STARD9: variants seen among roughly 807,000 people sequenced by gnomAD.
The protein encoded by STARD9 is StAR related lipid transfer domain containing 9, also known as stAR-related lipid transfer protein 9.
Under a neutral mutation model 399.8 loss-of-function variants are expected in STARD9, and 346 were observed. The ratio of observed to expected loss-of-function variants is 0.87; its 90% CI spans 0.79 to 0.95. The LOEUF is 0.95. Among genes scored for constraint, STARD9 ranks in the 40% least tolerant of loss-of-function variants. The probability of loss-of-function intolerance (pLI) is 0.00; values close to 1 mark genes in which losing one functional copy is unlikely to be tolerated. For missense variants in STARD9, 5,832 were observed against 5,667.5 expected (o/e 1.03, Z -0.93); for synonymous variants, 2,203 against 2,143.5 (o/e 1.03, Z -0.77).
At chr15:42,705,802 G>T (rs1035754194) in intron 26 of STARD9, among the ~76,000 whole-genome samples, 8 of 151,738 alleles carry the variant, frequency 5.3e-5, no homozygotes, top group Admixed American at 3.9e-4. Context: ...ACTCGGGCTG[G>T]AGTGCAGGGG....
chr15:42,684,367 G>A lies in STARD9; in HGVS notation c.2789G>A (p.Gly930Asp), dbSNP rs556083877. ...ACLTMSPNSV[G>D]IQEMEMGVKQ... ...CTCACCATGAGTCCCAACTCTGTTG[G>A]CATCCAGGAAATGGAGATGGGGGTT... Residue 930 changes from glycine (G) to aspartate (D), a missense_variant, in exon 23 of 33, where the codon GGC (glycine) becomes GAC (aspartate). By Grantham distance (94) the Gly-to-Asp change is moderately conservative. Around this residue, in one of 2 missense-constraint regions of STARD9, gnomAD observed 5,828 missense variants for 5,651.1 expected, o/e 1.03. Coordinates refer to ENST00000290607, the MANE Select transcript of STARD9 (RefSeq NM_020759.3). The A allele has an allele frequency of 1.1e-5, 17 of 1,536,986 alleles. No individual in the cohort carries two copies. In the African/African-American group the frequency reaches 1.2e-4, roughly 11 times the overall value.
At chr15:42,661,110 C>A in intron 9 of STARD9, 48 bp from the exon 10 acceptor site, 1 of 1,376,862 alleles carries the variant, frequency 7.3e-7, no homozygotes, top group Non-Finnish European at 1.0e-6. Context: ...AAGGGGAAAA[C>A]AATACAAATC....
rs2060093002 is a variant in STARD9, at chr15:42,665,948, G to C, written c.1317+100G>C. On this transcript the variant is annotated intron_variant, in intron 15 of 32. Coordinates refer to ENST00000290607, the MANE Select transcript of STARD9 (RefSeq NM_020759.3). ...GTTGCTCCCTTGGCAGGGCAGAGAAGAGCTGTCTCATTTAAATACAATGTT... is the reference window on the plus strand; with the variant it reads ...GTTGCTCCCTTGGCAGGGCAGAGAACAGCTGTCTCATTTAAATACAATGTT... 9.6e-6 allele frequency: 9 copies of C among 936,670 alleles called. No individual in the cohort carries two copies. The Admixed American group carries it at 1.9e-4, about 19-fold the overall frequency. The allele number at this position is 936,670 out of a possible 1,614,324, so 58.0% of individuals were successfully genotyped here.
At chr15:42,653,508 G>GA (rs2059805227) in intron 9 of STARD9, among the ~76,000 whole-genome samples, 1 of 152,158 alleles carries the variant, frequency 6.6e-6, no homozygotes, top group Non-Finnish European at 1.5e-5. Context: ...AAGACAAAGA[G>GA]AAAATCTTAA....
chr15:42,708,042 A>G (rs868301551), intron 26 of STARD9, among the ~76,000 whole-genome samples: 32 of 150,922 alleles, frequency 2.1e-4, no homozygotes, highest in Admixed American at 4.6e-4. Context: ...AGTCCTAGCT[A>G]CTCAGGAGGC....
At chr15:42,704,287 TGGGC>T (rs2061028388) in intron 26 of STARD9, among the ~76,000 whole-genome samples, 1 of 152,224 alleles carries the variant, frequency 6.6e-6, no homozygotes, top group South Asian at 2.1e-4. Flanking sequence ...TGAAGTTTAT[TGGGC>T]TACCTCAAAA....
At chr15:42,652,453 A>G in intron 8 of STARD9, 67 bp from the exon 9 acceptor site, 1 of 1,285,070 alleles carries the variant, frequency 7.8e-7, no homozygotes, top group Non-Finnish European at 1.1e-6. Context: ...TGTATTCTGT[A>G]TGGATCCTTA....
chr15:42,719,902 ACTGG>A lies in STARD9; in HGVS notation c.*329_*332del. 1 of 234,660 alleles carries A rather than the reference ACTGG, an allele frequency of 4.3e-6. No individual in the cohort carries two copies. Among genetic ancestry groups the A allele is most frequent in the South Asian group, 8.6e-5 (1 of 11,656 alleles). The allele number at this position is 234,660 out of a possible 1,614,324, so 14.5% of individuals were successfully genotyped here. ...GCAGACAGGACACTTAAGGACCAGG[ACTGG>A]GCACAGCCAGCAGAGCCGGGGACTG... On this transcript the variant is annotated 3_prime_UTR_variant, in exon 33 of 33. Coordinates refer to ENST00000290607, the MANE Select transcript of STARD9 (RefSeq NM_020759.3).
At position 42,693,598 on chromosome 15, in the gene STARD9, C is replaced by T; in HGVS notation, c.12020C>T (p.Thr4007Ile). 6.5e-7 allele frequency: 1 copy of T among 1,537,242 alleles called. No individual in the cohort carries two copies. Among genetic ancestry groups the T allele is most frequent in the Non-Finnish European group, 8.7e-7 (1 of 1,146,910 alleles). The stretch of plus-strand genomic sequence containing the variant: ...CACCCTCAGCAGCTTCAGCCCAGGA[C>T]AACTATCGGGGTCCAAAGCAGACTG... ...GQHPQQLQPRTTIGVQSRLLP... is the reference protein window; with the variant it reads ...GQHPQQLQPRITIGVQSRLLP... Residue 4007 changes from threonine (T) to isoleucine (I), a missense_variant, in exon 23 of 33, where the codon ACA becomes ATA. By Grantham distance (89) the Thr-to-Ile change is moderately conservative. Around this residue, in one of 2 missense-constraint regions of STARD9, gnomAD observed 5,828 missense variants for 5,651.1 expected, o/e 1.03. Transcript: ENST00000290607.
intron 3 of STARD9, chr15:42,630,006 T>A (rs938050590): frequency 6.9e-6 from 1 of 144,868 alleles, no homozygotes; most frequent in African/African-American, 2.5e-5. Flanking sequence ...TTTTCTTTTT[T>A]TTTTTTTTTT....
At chr15:42,581,668 T>TCAGCAG (rs35915660) in intron 1 of STARD9, among the ~76,000 whole-genome samples, 13 of 151,858 alleles carry the variant, frequency 8.6e-5, no homozygotes, top group East Asian at 3.9e-4. Flanking sequence ...GCCAGCAGCC[T>TCAGCAG]CAGCAGCAGC....
intron 22 of STARD9, 121 bp from the exon 23 acceptor site, chr15:42,683,995 G>C (rs1243696361): frequency 9.1e-7 from 1 of 1,096,504 alleles, no homozygotes; most frequent in African/African-American, 1.6e-5. Context: ...TACCTGGAGA[G>C]CTTTTCTCTG....
At chr15:42,708,587 C>T (rs747065117) in intron 26 of STARD9, among the ~76,000 whole-genome samples, 21 of 152,228 alleles carry the variant, frequency 1.4e-4, no homozygotes, top group South Asian at 4.2e-4. Flanking sequence ...TTATCAGTTT[C>T]TTTTTCCTAT....
chr15:42,681,333 G>C (rs1373222746), intron 20 of STARD9, 89 bp from the exon 21 acceptor site: 2 of 1,304,132 alleles, frequency 1.5e-6, no homozygotes, highest in African/African-American at 1.5e-5. Context: ...GATTGCAGGG[G>C]CTCTCTTGGA....
In STARD9 at chr15:42,712,424, T is replaced by C. The variant is rs1418723521; in HGVS notation, c.13285-4253T>C. Among the ~76,000 whole-genome samples the C allele has an allele frequency of 2.6e-5, 4 of 152,002 alleles. No individual in the cohort carries two copies. The East Asian group carries it at 7.8e-4, about 30-fold the overall frequency. The stretch of plus-strand genomic sequence containing the variant: ...GATCACAAAGATTATGCCTATGTTT[T>C]CTTCTAAGAGTTTTATGCTTTTAGC... On this transcript the variant is annotated intron_variant, in intron 26 of 32. Transcript: ENST00000290607.
In STARD9 at chr15:42,662,901, G is replaced by A; in HGVS notation, c.868+10G>A. On this transcript the variant is annotated intron_variant, in intron 11 of 32. Transcript: ENST00000290607. ...GTCATCTCCACCTTAGGTATTTTCTGATAGATAATGGGAGTGGGAGGGAGA... is the reference window on the plus strand; with the variant it reads ...GTCATCTCCACCTTAGGTATTTTCTAATAGATAATGGGAGTGGGAGGGAGA... The A allele has an allele frequency of 6.6e-7, 1 of 1,507,618 alleles. No homozygotes were observed. The highest frequency in any genetic ancestry group is 8.9e-7 in the Non-Finnish European group (1 of 1,119,918). 93.4% of individuals were successfully genotyped at this position (1,507,618 alleles called of 1,614,324 possible). A position where few individuals can be genotyped will look rare whatever the true frequency, so the allele number is the denominator to read the frequency against.
At chr15:42,640,726 C>T (rs2059517612) in intron 7 of STARD9, among the ~76,000 whole-genome samples, 2 of 139,650 alleles carry the variant, frequency 1.4e-5, no homozygotes, top group African/African-American at 2.7e-5. Context: ...GAGGCTGAGG[C>T]GGGAGAATCG....
In STARD9 at chr15:42,687,764, A is replaced by C; in HGVS notation, c.6186A>C (p.Leu2062Phe). The C allele has an allele frequency of 6.5e-7, 1 of 1,537,590 alleles. No individual in the cohort carries two copies. The highest frequency in any genetic ancestry group is 1.4e-5 in the African/African-American group (1 of 73,178). Residue 2062 changes from leucine (L) to phenylalanine (F), a missense_variant, in exon 23 of 33, where the codon TTA (leucine) becomes TTC (phenylalanine). Leu to Phe is a conservative substitution (Grantham distance 22). Coordinates refer to ENST00000290607, the MANE Select transcript of STARD9 (RefSeq NM_020759.3). ...TAATGCAGCTGGAAAATGGCATCTT[A>C]GAAATTGAATCTAAGCAGAATAAGC... ...RSVMQLENGI[L>F]EIESKQNKQV...
Position 42,689,293 on chromosome 15 carries a change from G to T in STARD9, c.7715G>T (p.Gly2572Val). The change falls in exon 23 of 33, where the codon GGC (glycine) becomes GTC (valine). Residue 2572 changes from glycine to valine, a missense_variant. Transcript: ENST00000290607. ...CAGCTTCATGACTTTGTGGCCAGGGGCACAGTCCTTTCTTACTGTGAAACT... is the reference window on the plus strand; with the variant it reads ...CAGCTTCATGACTTTGTGGCCAGGGTCACAGTCCTTTCTTACTGTGAAACT... Reference protein sequence around the residue: ...RKQLHDFVARGTVLSYCETLL... With the variant: ...RKQLHDFVARVTVLSYCETLL... 6.5e-7 allele frequency: 1 copy of T among 1,537,210 alleles called. No individual in the cohort carries two copies.
Sources: gnomAD v4.1 joint callset for allele counts (sites outside exome capture counted in the v4.1 genomes callset) on GRCh38, gnomAD v4.1.1 for gene constraint, gnomAD v4.1.1 regional missense constraint, MANE v1.5 for transcripts, NCBI Gene and HGNC (gene_info 2026-07-23, HGNC 2026-07-21) for gene names.